IFT140: variants seen among roughly 807,000 people sequenced by gnomAD.
IFT140 encodes intraflagellar transport 140.
A neutral mutation model predicts 164.6 loss-of-function variants in IFT140; 133 were observed. The ratio of observed to expected loss-of-function variants is 0.81; its 90% confidence interval spans 0.70 to 0.93. The LOEUF (loss-of-function observed/expected upper bound fraction) is 0.93, where lower values mean the gene tolerates loss of function less well. IFT140 is among the 40% of genes least tolerant of loss of function. The pLI is 0.00. For synonymous variants in IFT140, 860 were observed against 817.3 expected, an observed-to-expected ratio of 1.05 and a Z score of -0.89; for missense variants, 2,045 against 1,972.3, an observed-to-expected ratio of 1.04 and a Z score of -0.70.
intron 6 of IFT140, among the ~76,000 whole-genome samples, chr16:1,590,660 G>A (rs774273249): frequency 1.3e-5 from 2 of 152,180 alleles, no homozygotes; most frequent in Non-Finnish European, 2.9e-5. Flanking sequence ...TGAGCTTGGG[G>A]ACTCAGGCTC....
chr16:1,594,718 A>G (rs924519280), intron 4 of IFT140, among the ~76,000 whole-genome samples: 3 of 152,198 alleles, frequency 2.0e-5, no homozygotes, highest in African/African-American at 7.2e-5. Flanking sequence ...CTCCACAGGG[A>G]CAGCCGGCGG....
In IFT140 at chr16:1,524,927, C is replaced by A. The variant is rs1364415210; in HGVS notation, c.2865-11G>T. The A allele has an allele frequency of 1.3e-6, 2 of 1,597,118 alleles. No individual in the cohort carries two copies. ...CACCGCCACAGGGTCCTGCGGGCAG[C>A]CCAAGACCATGGATTCTCCACCCGA... On this transcript the variant is annotated splice_polypyrimidine_tract_variant and intron_variant, in intron 22 of 30. Coordinates refer to ENST00000426508, the MANE Select transcript of IFT140 (RefSeq NM_014714.4).
rs773668018 is a variant in IFT140, at chr16:1,510,895, C to T, written c.*49G>A. ...TTTGCCACAGCTGACAAAAAAATTCCAGAAGATGCCTTTCTGCAGCAGCAC... is the reference window on the plus strand; with the variant it reads ...TTTGCCACAGCTGACAAAAAAATTCTAGAAGATGCCTTTCTGCAGCAGCAC... On this transcript the variant is annotated 3_prime_UTR_variant, in exon 31 of 31. Transcript: ENST00000426508. 8 of 1,550,172 alleles carry T rather than the reference C, an allele frequency of 5.2e-6. No individual in the cohort carries two copies. In the African/African-American group the frequency reaches 8.2e-5, roughly 16 times the overall value.
intron 18 of IFT140, 86 bp from the exon 19 acceptor site, chr16:1,558,220 C>A (rs2141468674): frequency 7.6e-7 from 1 of 1,312,008 alleles, no homozygotes; most frequent in South Asian, 1.2e-5. Flanking sequence ...ATTTAGCTCC[C>A]TTATGGGGGA....
At chr16:1,576,362 C>T (rs1404810321) in intron 13 of IFT140, among the ~76,000 whole-genome samples, 5 of 150,430 alleles carry the variant, frequency 3.3e-5, no homozygotes, top group African/African-American at 9.8e-5. Context: ...GAGGCCGAGG[C>T]GGGCAGATCA....
rs8053047 is a variant in IFT140, at chr16:1,526,234, C to T, written c.2578-157G>A. The T allele has an allele frequency of 4.8e-3, 3,339 of 700,262 alleles. 90 individuals carry two copies. The African/African-American group carries it at 0.053, about 11-fold the overall frequency. The allele number at this position is 700,262 out of a possible 1,614,324, so 43.4% of individuals were successfully genotyped here. On this transcript the variant is annotated intron_variant, in intron 20 of 30. Coordinates refer to ENST00000426508, the MANE Select transcript of IFT140 (RefSeq NM_014714.4). ...GGGCACAGCAAACGCCACACACCCA[C>T]GGGGCATCCCCGTCCCACGGCTGGA...
rs1344008466 is a variant in IFT140 at position 1,510,801 on chromosome 16, G to A, written c.*143C>T. On this transcript the variant is annotated 3_prime_UTR_variant, in exon 31 of 31. Coordinates refer to ENST00000426508, the MANE Select transcript of IFT140 (RefSeq NM_014714.4). ...GTCACACCCTCCGCCGGCCCGGGCC[G>A]CTGCGTTCTCGCCCAGCTCTGTCGC... The A allele has an allele frequency of 3.8e-6, 3 of 791,466 alleles. No individual in the cohort carries two copies. The highest frequency in any genetic ancestry group is 4.3e-5 in the Admixed American group (2 of 46,948). 49.0% of individuals were successfully genotyped at this position (791,466 alleles called of 1,614,324 possible).
At chr16:1,535,588 C>T (rs989330293) in intron 19 of IFT140, among the ~76,000 whole-genome samples, 12 of 152,334 alleles carry the variant, frequency 7.9e-5, no homozygotes, top group African/African-American at 2.9e-4. Context: ...ACACACATCA[C>T]GTGTGCCTCA....
At chr16:1,567,708 A>G (rs916308170) in intron 15 of IFT140, among the ~76,000 whole-genome samples, 1 of 152,140 alleles carries the variant, frequency 6.6e-6, no homozygotes, top group African/African-American at 2.4e-5. Context: ...AAGGGAAGGA[A>G]CCAGGGAAGG....
intron 2 of IFT140, among the ~76,000 whole-genome samples, chr16:1,609,152 A>T (rs545295381): frequency 3.5e-4 from 52 of 148,880 alleles, no homozygotes; most frequent in East Asian, 5.9e-4. Context: ...AAAACTGTTT[A>T]AAAAAAAAAG....
chr16:1,592,724 G>C, intron 4 of IFT140, 136 bp from the exon 5 acceptor site: 1 of 1,354,340 alleles, frequency 7.4e-7, no homozygotes, highest in Non-Finnish European at 9.9e-7. Flanking sequence ...CAGGTGTCCC[G>C]GCAGAGTGAC....
At chr16:1,605,762 T>C (rs535465412) in intron 3 of IFT140, among the ~76,000 whole-genome samples, 183 of 152,140 alleles carry the variant, frequency 1.2e-3, no homozygotes, top group Non-Finnish European at 2.1e-3. Flanking sequence ...ATTATCGAAG[T>C]CTGAGGAGCT....
chr16:1,513,516 A>G lies in IFT140; in HGVS notation c.4183-2366T>C, dbSNP rs567385827. Among the ~76,000 whole-genome samples the G allele has an allele frequency of 6.8e-4, 104 of 152,040 alleles. 4 individuals are homozygous for G. The South Asian group carries it at 6.9e-3, about 10-fold the overall frequency. ...CTGTCTCAGAAAAGAAAAAAGAATG[A>G]GAAGAGAGGCTTCTGACAACAGCAG... On this transcript the variant is annotated intron_variant, in intron 30 of 30. Transcript: ENST00000426508.
At position 1,567,365 on chromosome 16, in the gene IFT140, C is replaced by T. The variant is rs555471158; in HGVS notation, c.1770+852G>A. 4.6e-5 allele frequency among the ~76,000 whole-genome samples: 7 copies of T among 152,348 alleles called. No individual in the cohort carries two copies. The South Asian group carries it at 1.2e-3, about 27-fold the overall frequency. On this transcript the variant is annotated intron_variant, in intron 15 of 30. Transcript: ENST00000426508. ...GCCCTTCACCACGAGTGCAGACCCTCGATGAGGACAGGCTTTGCCAATGCC... is the reference window on the plus strand; with the variant it reads ...GCCCTTCACCACGAGTGCAGACCCTTGATGAGGACAGGCTTTGCCAATGCC...
chr16:1,529,414 T>A (rs1473724530), intron 19 of IFT140, among the ~76,000 whole-genome samples: 1 of 152,192 alleles, frequency 6.6e-6, no homozygotes, highest in Non-Finnish European at 1.5e-5. Flanking sequence ...AGCACCTGGG[T>A]GCACCCACTG....
chr16:1,526,714 C>T lies in IFT140; in HGVS notation c.2482G>A (p.Gly828Ser). The T allele has an allele frequency of 6.2e-7, 1 of 1,608,252 alleles. No homozygotes were observed. The highest frequency in any genetic ancestry group is 8.5e-7 in the Non-Finnish European group (1 of 1,178,470). ...DVAKVCLGNM[G>S]HARGARALRE... ...AGCGCTCGGGCCCCGCGGGCATGGC[C>T]CATGTTCCCCAGGCACACCTTGGCC... is the stretch of plus-strand genomic sequence containing the variant. Residue 828 changes from glycine (G) to serine (S), a missense_variant, in exon 20 of 31, where the codon GGC (glycine) becomes AGC (serine). Transcript: ENST00000426508.
rs1596415401 is a variant in IFT140, at chr16:1,586,328, C to T, written c.1010-53G>A. On this transcript the variant is annotated intron_variant, in intron 9 of 30. Coordinates refer to ENST00000426508, the MANE Select transcript of IFT140 (RefSeq NM_014714.4). The stretch of plus-strand genomic sequence containing the variant: ...ACAGAGTTAAAAAAAGGGAACAAAA[C>T]AGCAACAAGCTCTGTTCTCTAACCC... 10 of 1,546,242 alleles carry T rather than the reference C, an allele frequency of 6.5e-6. No individual in the cohort carries two copies. The Admixed American group carries it at 1.1e-4, about 17-fold the overall frequency.
chr16:1,565,265 G>A (rs1025158161), intron 16 of IFT140, among the ~76,000 whole-genome samples: 2 of 152,204 alleles, frequency 1.3e-5, no homozygotes, highest in African/African-American at 4.8e-5. Context: ...GCAGCAGGGG[G>A]AGAGCTGGCA....
At chr16:1,542,270 G>A (rs2031724536) in intron 19 of IFT140, among the ~76,000 whole-genome samples, 1 of 152,256 alleles carries the variant, frequency 6.6e-6, no homozygotes, top group Non-Finnish European at 1.5e-5. Flanking sequence ...ATGAAAGACA[G>A]AAACACACCC....
Sources: gnomAD v4.1 joint callset for allele counts (sites outside exome capture counted in the v4.1 genomes callset) on GRCh38, gnomAD v4.1.1 for gene constraint, MANE v1.5 for transcripts, NCBI Gene and HGNC (gene_info 2026-07-23, HGNC 2026-07-21) for gene names.